The following PDE1A variants were observed in gnomAD, a reference collection of about 807,000 sequenced individuals.
PDE1A encodes dual specificity calcium/calmodulin-dependent 3',5'-cyclic nucleotide phosphodiesterase 1A.
PDE1A carries 35 observed loss-of-function variants against 61.7 expected under a neutral mutation model. That is an observed-to-expected ratio of 0.57 (90% confidence interval 0.43 to 0.75). PDE1A has a LOEUF of 0.75. Ranked by LOEUF, PDE1A falls within the 30% of genes least tolerant of loss-of-function variation. The pLI, the probability that PDE1A is intolerant of heterozygous loss-of-function variation, is 0.00. For synonymous variants in PDE1A, 232 were observed against 213.2 expected (o/e 1.09, Z -0.77); for missense variants, 597 against 630.6 (o/e 0.95, Z 0.57).
chr2:182,205,042 G>A (rs1686984607), intron 8 of PDE1A, among the ~76,000 whole-genome samples: 1 of 151,626 alleles, frequency 6.6e-6, no homozygotes, highest in Non-Finnish European at 1.5e-5. Context: ...CTTTCCTTTT[G>A]GATATTTCTT....
chr2:182,311,088 G>A (rs1695937963), intron 1 of PDE1A, among the ~76,000 whole-genome samples: 3 of 152,346 alleles, frequency 2.0e-5, no homozygotes, highest in African/African-American at 7.2e-5. Context: ...GAATATTGAA[G>A]TGAACTGCCA....
At chr2:182,641,207 G>C in the PDE1A span, among the ~76,000 whole-genome samples, 1 of 152,184 alleles carries the variant, frequency 6.6e-6, no homozygotes, top group African/African-American at 2.4e-5. Flanking sequence ...GGTTGCCTAT[G>C]TAAGAGGAGA....
chr2:182,576,216 T>G, the PDE1A span, among the ~76,000 whole-genome samples: 2 of 152,064 alleles, frequency 1.3e-5, no homozygotes, highest in Non-Finnish European at 2.9e-5. Context: ...TCCAAAAGTC[T>G]CCATTCCTCT....
the PDE1A span, among the ~76,000 whole-genome samples, chr2:182,532,074 T>TA: frequency 6.6e-6 from 1 of 151,928 alleles, no homozygotes; most frequent in South Asian, 2.1e-4. Context: ...AATACTGATG[T>TA]GTACTACAAC....
chr2:182,637,589 G>T, the PDE1A span, among the ~76,000 whole-genome samples: 1 of 152,124 alleles, frequency 6.6e-6, no homozygotes, highest in East Asian at 1.9e-4. Context: ...CAGCATAGGA[G>T]CCTGAATTTT....
intron 1 of PDE1A, among the ~76,000 whole-genome samples, chr2:182,372,518 A>G (rs1700174166): frequency 6.6e-6 from 1 of 152,226 alleles, no homozygotes; most frequent in Admixed American, 6.5e-5. Flanking sequence ...AACAGGTAAC[A>G]CTGTTATATG....
intron 1 of PDE1A, among the ~76,000 whole-genome samples, chr2:182,278,823 T>C (rs1693615103): frequency 6.6e-6 from 1 of 152,000 alleles, no homozygotes; most frequent in Non-Finnish European, 1.5e-5. Context: ...TAGAATTGAC[T>C]AACCCAAGAA....
At position 182,329,767 on chromosome 2, in the gene PDE1A, C is replaced by T. The variant is rs374443384; in HGVS notation, c.54-65353G>A. Among the ~76,000 whole-genome samples the T allele has an allele frequency of 1.3e-3, 193 of 152,280 alleles. 1 individual carries two copies. Among genetic ancestry groups the T allele is most frequent in the African/African-American group, 4.5e-3 (189 of 41,562 alleles). On this transcript the variant is annotated intron_variant, in intron 1 of 13. Coordinates refer to ENST00000351439, the Ensembl canonical transcript of PDE1A. ...CCACTCCAGGGACCACTCCTACTTT[C>T]GGATTCCAGTTTAGTTTTCTTCATA... is the stretch of plus-strand genomic sequence containing the variant.
intron 2 of PDE1A, among the ~76,000 whole-genome samples, chr2:182,450,235 A>G (rs1223131666): frequency 6.6e-6 from 1 of 152,092 alleles, no homozygotes; most frequent in Non-Finnish European, 1.5e-5. Context: ...CATCAAGCAC[A>G]TATCACATTT....
the PDE1A span, among the ~76,000 whole-genome samples, chr2:182,657,243 A>G: frequency 7.9e-5 from 12 of 152,234 alleles, no homozygotes; most frequent in African/African-American, 2.9e-4. Context: ...AAAACAAACA[A>G]CACAACTATA....
At chr2:182,361,468 T>G (rs1423847078) in intron 1 of PDE1A, among the ~76,000 whole-genome samples, 1 of 152,100 alleles carries the variant, frequency 6.6e-6, no homozygotes, top group Non-Finnish European at 1.5e-5. Context: ...AAACTACTTG[T>G]TTGTCTAATA....
chr2:182,516,746 AGAG>A (rs1690196312), intron 2 of PDE1A, among the ~76,000 whole-genome samples: 2 of 144,152 alleles, frequency 1.4e-5, no homozygotes, highest in African/African-American at 2.6e-5. Context: ...GGAAGGAAAA[AGAG>A]AGAAAGAAAG....
Position 182,206,080 on chromosome 2 carries a change from C to G in PDE1A, c.777-15G>C, listed in dbSNP as rs778250068. On this transcript the variant is annotated splice_polypyrimidine_tract_variant and intron_variant, in intron 7 of 13. Transcript: ENST00000351439. ...CAACATCTGACCTAAGAATTAAAAA[C>G]AAAATGCCCAACAGAGGATTTCTTT... 3 of 1,596,826 alleles carry G rather than the reference C, an allele frequency of 1.9e-6. No individual in the cohort carries two copies. Among genetic ancestry groups the G allele is most frequent in the Non-Finnish European group, 1.7e-6 (2 of 1,171,550 alleles).
intron 1 of PDE1A, among the ~76,000 whole-genome samples, chr2:182,361,277 G>C (rs1699490963): frequency 6.6e-6 from 1 of 152,080 alleles, no homozygotes; most frequent in Non-Finnish European, 1.5e-5. Context: ...GTAATGCATA[G>C]TGATCAAATC....
intron 2 of PDE1A, among the ~76,000 whole-genome samples, chr2:182,454,451 G>T (rs188624711): frequency 1.1e-4 from 16 of 152,064 alleles, no homozygotes; most frequent in Non-Finnish European, 2.4e-4. Flanking sequence ...AAAAGAGCCC[G>T]CATCGCCAAG....
At chr2:182,679,584 G>A in the PDE1A span, among the ~76,000 whole-genome samples, 3 of 151,764 alleles carry the variant, frequency 2.0e-5, no homozygotes, top group South Asian at 2.1e-4. Flanking sequence ...CAATTATTAC[G>A]TGTCAATTAC....
Position 182,499,173 on chromosome 2 carries a change from G to GTTTTT in PDE1A, c.101+23098_101+23102dup, listed in dbSNP as rs545033513. ...AGGCTATTTTCTTTCTCTTTTTCTT[G>GTTTTT]TTTTTTTTTTTTTTTTTTTTTGAGA... is the stretch of plus-strand genomic sequence containing the variant. On this transcript the variant is annotated intron_variant, in intron 2 of 14. Transcript: ENST00000410103. 9.8e-4 allele frequency among the ~76,000 whole-genome samples: 76 copies of GTTTTT among 77,320 alleles called. 3 individuals carry two copies. The highest frequency in any genetic ancestry group is 4.3e-3 in the African/African-American group (70 of 16,370). 50.7% of individuals were successfully genotyped at this position (77,320 alleles called of 152,430 possible). A position where few individuals can be genotyped will look rare whatever the true frequency, so the allele number is the denominator to read the frequency against.
At chr2:182,612,281 C>CA in the PDE1A span, among the ~76,000 whole-genome samples, 1 of 151,806 alleles carries the variant, frequency 6.6e-6, no homozygotes, top group Non-Finnish European at 1.5e-5. Flanking sequence ...GTATTCAAGA[C>CA]AAAAAAAGGT....
intron 1 of PDE1A, among the ~76,000 whole-genome samples, chr2:182,322,668 A>C (rs2124848851): frequency 6.6e-6 from 1 of 152,324 alleles, no homozygotes; most frequent in African/African-American, 2.4e-5. Context: ...TAGACAATTA[A>C]AAAGTTATGT....
Sources: allele counts gnomAD v4.1 joint callset (sites outside exome capture counted in the v4.1 genomes callset), GRCh38; gene constraint gnomAD v4.1.1; transcripts MANE v1.5; gene names NCBI Gene and HGNC (gene_info 2026-07-23, HGNC 2026-07-21).